The following SAXO1 variants were observed in gnomAD, a reference collection of about 807,000 sequenced individuals.
SAXO1 encodes the protein stabilizer of axonemal microtubules 1.
In SAXO1, 21 loss-of-function variants were observed where a neutral mutation model predicts 17.5. The ratio of observed to expected loss-of-function variants is 1.20; its 90% CI spans 0.85 to 1.72. The LOEUF (loss-of-function observed/expected upper bound fraction) is 1.72, where lower values mean the gene tolerates loss of function less well. Among genes scored for constraint, SAXO1 ranks in the 40% most tolerant of loss-of-function variants. The probability of loss-of-function intolerance (pLI) is 0.00; values close to 1 mark genes in which losing one functional copy is unlikely to be tolerated. For synonymous variants in SAXO1, 274 were observed against 216.5 expected (o/e 1.27, Z -2.33); for missense variants, 843 against 596.0 (o/e 1.41, Z -4.32).
intron 1 of SAXO1, among the ~76,000 whole-genome samples, chr9:18,967,001 C>T (rs980402418): frequency 1.3e-5 from 2 of 152,146 alleles, no homozygotes; most frequent in Non-Finnish European, 2.9e-5. Flanking sequence ...TAGTCAAGCC[C>T]CTCTTCTGCA....
chr9:19,044,139 A>G (rs935575352), intron 1 of SAXO1, among the ~76,000 whole-genome samples: 1 of 42,726 alleles, frequency 2.3e-5, no homozygotes, highest in Non-Finnish European at 4.6e-5. Flanking sequence ...ACTCTGTCTT[A>G]AAAAAAAAAA....
intron 1 of SAXO1, chr9:19,027,258 T>C (rs1563990573): frequency 3.9e-6 from 4 of 1,017,130 alleles, no homozygotes; most frequent in South Asian, 1.3e-5. Flanking sequence ...TGTGATTGGA[T>C]TGGTGGATGT....
At chr9:19,030,059 G>A (rs369193435) in intron 1 of SAXO1, among the ~76,000 whole-genome samples, 9 of 152,328 alleles carry the variant, frequency 5.9e-5, no homozygotes, top group African/African-American at 1.9e-4. Context: ...AGAACACGGA[G>A]CGGGGTTTTT....
At chr9:19,021,993 C>T (rs556313144) in intron 1 of SAXO1, among the ~76,000 whole-genome samples, 1 of 152,352 alleles carries the variant, frequency 6.6e-6, no homozygotes, top group Admixed American at 6.5e-5. Flanking sequence ...GGTCGGGTCC[C>T]CTTCCCCATT....
At chr9:18,946,009 G>T (rs1480229716) in intron 2 of SAXO1, among the ~76,000 whole-genome samples, 1 of 152,118 alleles carries the variant, frequency 6.6e-6, no homozygotes, top group East Asian at 1.9e-4. Context: ...GGGCACGGTG[G>T]CCCATGCTTG....
intron 1 of SAXO1, among the ~76,000 whole-genome samples, chr9:18,974,800 A>G (rs1175226127): frequency 6.6e-6 from 1 of 152,194 alleles, no homozygotes; most frequent in East Asian, 1.9e-4. Context: ...AGCCATCACC[A>G]TTTGGCAACC....
chr9:19,023,389 C>G (rs1390222411), intron 1 of SAXO1, among the ~76,000 whole-genome samples: 1 of 152,156 alleles, frequency 6.6e-6, no homozygotes, highest in African/African-American at 2.4e-5. Context: ...CATTGTTCTA[C>G]TTGCTTAATA....
chr9:18,976,611 A>G (rs1191542300), intron 1 of SAXO1, among the ~76,000 whole-genome samples: 3 of 150,152 alleles, frequency 2.0e-5, no homozygotes, highest in African/African-American at 4.9e-5. Context: ...AGTGTCTTTG[A>G]TTGTAACTAT....
chr9:19,004,825 C>G (rs962262273), intron 1 of SAXO1, among the ~76,000 whole-genome samples: 1 of 152,002 alleles, frequency 6.6e-6, no homozygotes, highest in African/African-American at 2.4e-5. Flanking sequence ...ATGTAGCAAA[C>G]CTGCACATTG....
At chr9:19,025,208 C>T (rs56903563) in intron 1 of SAXO1, among the ~76,000 whole-genome samples, 3 of 151,948 alleles carry the variant, frequency 2.0e-5, no homozygotes, top group Non-Finnish European at 2.9e-5. Context: ...TTCTTGGCAT[C>T]TCTATCTGGA....
chr9:18,979,253 A>C (rs1833272899), intron 1 of SAXO1, among the ~76,000 whole-genome samples: 1 of 152,222 alleles, frequency 6.6e-6, no homozygotes, highest in African/African-American at 2.4e-5. Flanking sequence ...TATTATATAA[A>C]TTGTTGAATA....
chr9:18,987,266 G>T lies in SAXO1; in HGVS notation c.39-36329C>A, dbSNP rs531245646. ...CTCACCCCTTCACCCAGGGAGAGCC[G>T]CATGTTTTCTCTCCCTCTTCCTCAT... On this transcript the variant is annotated intron_variant, in intron 1 of 3. Transcript: ENST00000380534. Among the ~76,000 whole-genome samples the T allele has an allele frequency of 9.2e-5, 14 of 152,214 alleles. No homozygotes were observed. In the South Asian group the frequency reaches 1.7e-3, roughly 18 times the overall value.
chr9:18,969,339 C>A (rs968321001), intron 1 of SAXO1, among the ~76,000 whole-genome samples: 1 of 152,222 alleles, frequency 6.6e-6, no homozygotes, highest in African/African-American at 2.4e-5. Context: ...ACAGCAAGCT[C>A]TCTTGACTGG....
In SAXO1 at chr9:18,986,324, G is replaced by A. The variant is rs548501302; in HGVS notation, c.39-35387C>T. Among the ~76,000 whole-genome samples the A allele has an allele frequency of 5.3e-5, 8 of 152,194 alleles. No individual in the cohort carries two copies. In the South Asian group the frequency reaches 6.2e-4, roughly 12 times the overall value. On this transcript the variant is annotated intron_variant, in intron 1 of 3. Transcript: ENST00000380534. ...TAATGTCAAAATGTTTTAGCCCCTGGGCAGGAATTTATCACCCTTAGAATA... is the reference window on the plus strand; with the variant it reads ...TAATGTCAAAATGTTTTAGCCCCTGAGCAGGAATTTATCACCCTTAGAATA...
At chr9:19,029,247 C>T (rs372385559) in intron 1 of SAXO1, among the ~76,000 whole-genome samples, 4 of 152,262 alleles carry the variant, frequency 2.6e-5, no homozygotes, top group South Asian at 4.1e-4. Flanking sequence ...AGAAAAACTT[C>T]GGAAGAAGAG....
upstream of SAXO1, among the ~76,000 whole-genome samples, chr9:19,035,825 G>C (rs1033608585): frequency 1.3e-5 from 2 of 152,162 alleles, no homozygotes; most frequent in African/African-American, 2.4e-5. Flanking sequence ...TTGAACTTGA[G>C]GGAGATGATT....
intron 1 of SAXO1, among the ~76,000 whole-genome samples, chr9:18,961,990 T>C (rs138401889): frequency 6.6e-6 from 1 of 152,242 alleles, no homozygotes; most frequent in Non-Finnish European, 1.5e-5. Flanking sequence ...CTGCATCTGT[T>C]GTTTCCTGAC....
intron 1 of SAXO1, 74 bp downstream of exon 1, chr9:19,032,796 TG>T: frequency 1.3e-6 from 2 of 1,531,656 alleles, no homozygotes. Flanking sequence ...ATGAAGCAGC[TG>T]GGGGAGGCTT....
intron 1 of SAXO1, among the ~76,000 whole-genome samples, chr9:19,006,304 A>G (rs1019062578): frequency 2.6e-5 from 4 of 152,242 alleles, no homozygotes; most frequent in African/African-American, 9.6e-5. Context: ...CAGGGACTGA[A>G]ACAGATACCT....
Sources: allele counts gnomAD v4.1 joint callset (sites outside exome capture counted in the v4.1 genomes callset), GRCh38; gene constraint gnomAD v4.1.1; transcripts MANE v1.5; gene names NCBI Gene and HGNC (gene_info 2026-07-23, HGNC 2026-07-21).